The following ZFYVE9 variants were observed in gnomAD, a reference collection of about 807,000 sequenced individuals.
ZFYVE9 encodes the protein zinc finger FYVE domain-containing protein 9.
ZFYVE9 carries 43 observed loss-of-function variants against 126.7 expected under a neutral mutation model. That is an observed-to-expected ratio of 0.34 (90% CI 0.27 to 0.44). ZFYVE9 has a LOEUF of 0.44. Among genes scored for constraint, ZFYVE9 ranks in the 20% least tolerant of loss-of-function variants. The pLI is 1.00. For missense variants in ZFYVE9, 1,476 were observed against 1,697.0 expected (o/e 0.87, Z 2.29); for synonymous variants, 521 against 597.4 (o/e 0.87, Z 1.87).
At chr1:52,288,251 C>T (rs1428785690) in intron 10 of ZFYVE9, among the ~76,000 whole-genome samples, 4 of 152,128 alleles carry the variant, frequency 2.6e-5, no homozygotes, top group Non-Finnish European at 4.4e-5. Context: ...CTATGTTGTC[C>T]GTAAATCTCA....
chr1:52,278,994 C>T (rs573791191), intron 9 of ZFYVE9, among the ~76,000 whole-genome samples: 63 of 152,198 alleles, frequency 4.1e-4, no homozygotes, highest in African/African-American at 8.7e-4. Context: ...CCGCCTCAGC[C>T]TCCCTAAGTG....
chr1:52,247,477 A>G (rs1572132867), intron 4 of ZFYVE9, among the ~76,000 whole-genome samples: 3 of 151,898 alleles, frequency 2.0e-5, no homozygotes, highest in Admixed American at 2.0e-4. Context: ...TTGTTGTACA[A>G]CCATAACAAC....
At chr1:52,234,332 A>G (rs1645252972) in intron 3 of ZFYVE9, among the ~76,000 whole-genome samples, 1 of 152,182 alleles carries the variant, frequency 6.6e-6, no homozygotes, top group South Asian at 2.1e-4. Flanking sequence ...GCCTGGTGGC[A>G]CACCTGTGGT....
intron 2 of ZFYVE9, among the ~76,000 whole-genome samples, chr1:52,217,063 CT>C (rs1273887034): frequency 3.3e-5 from 5 of 152,202 alleles, no homozygotes; most frequent in African/African-American, 1.2e-4. Context: ...GAAACCCGCA[CT>C]TAGACAGAAA....
intron 3 of ZFYVE9, among the ~76,000 whole-genome samples, chr1:52,235,847 G>T (rs1645268597): frequency 6.6e-6 from 1 of 152,044 alleles, no homozygotes; most frequent in African/African-American, 2.4e-5. Context: ...TGTCTCCTCT[G>T]AATTTATTTT....
chr1:52,345,784 T>G (rs1312671266), intron 18 of ZFYVE9: 3 of 296,196 alleles, frequency 1.0e-5, no homozygotes, highest in African/African-American at 6.4e-5. Flanking sequence ...TTTCTGATAC[T>G]CCATACCTTT....
chr1:52,259,511 G>T (rs1569608792), intron 4 of ZFYVE9, among the ~76,000 whole-genome samples: 1 of 151,942 alleles, frequency 6.6e-6, no homozygotes. Context: ...AAGATAGCCA[G>T]CTGTGGTGGC....
chr1:52,162,124 G>T (rs555492180), intron 1 of ZFYVE9: 44 of 162,200 alleles, frequency 2.7e-4, no homozygotes, highest in Non-Finnish European at 4.6e-4. Context: ...AAAAAAAAAG[G>T]AGAGGAAAAA....
intron 1 of ZFYVE9, among the ~76,000 whole-genome samples, chr1:52,181,628 AG>A (rs1265501998): frequency 7.2e-6 from 1 of 139,732 alleles, no homozygotes; most frequent in Non-Finnish European, 1.5e-5. Context: ...CATCCCATCT[AG>A]GAAGTGAGGA....
At chr1:52,242,912 C>G (rs1466197770) in intron 4 of ZFYVE9, among the ~76,000 whole-genome samples, 1 of 152,168 alleles carries the variant, frequency 6.6e-6, no homozygotes, top group Non-Finnish European at 1.5e-5. Context: ...GAAATATTTT[C>G]CATTACACAC....
At chr1:52,176,433 G>A (rs1644629162) in intron 1 of ZFYVE9, among the ~76,000 whole-genome samples, 1 of 152,228 alleles carries the variant, frequency 6.6e-6, no homozygotes, top group South Asian at 2.1e-4. Context: ...AGTTAGGCTG[G>A]TCAAGGGTCA....
intron 1 of ZFYVE9, chr1:52,180,363 C>G (rs1644685959): frequency 6.5e-7 from 1 of 1,549,066 alleles, no homozygotes; most frequent in African/African-American, 1.4e-5. Flanking sequence ...TATCAAGGCT[C>G]AGTTTATTGG....
At chr1:52,194,310 A>G (rs1271020900) in intron 1 of ZFYVE9, among the ~76,000 whole-genome samples, 1 of 152,214 alleles carries the variant, frequency 6.6e-6, no homozygotes, top group Non-Finnish European at 1.5e-5. Context: ...TCTAAGCATG[A>G]TATGAAATAC....
At chr1:52,241,824 A>G (rs1645336517) in intron 4 of ZFYVE9, among the ~76,000 whole-genome samples, 1 of 152,142 alleles carries the variant, frequency 6.6e-6, no homozygotes, top group South Asian at 2.1e-4. Context: ...GCAGCTAGAA[A>G]AATACCCCAA....
chr1:52,261,760 A>G (rs1645582190), intron 4 of ZFYVE9, among the ~76,000 whole-genome samples: 1 of 152,232 alleles, frequency 6.6e-6, no homozygotes, highest in Middle Eastern at 3.2e-3. Context: ...AACAGCCTGA[A>G]CAGAGGCAGC....
chr1:52,186,248 A>AC (rs991552003), intron 1 of ZFYVE9, among the ~76,000 whole-genome samples: 9 of 150,252 alleles, frequency 6.0e-5, no homozygotes, highest in African/African-American at 1.9e-4. Flanking sequence ...TCAAAAAAAA[A>AC]AAAACAAAAC....
chr1:52,344,957 T>G lies in ZFYVE9; in HGVS notation c.4116+13T>G. ...TGACTCAGATCAGGTATGATGTGTC[T>G]TCCGCAGCTTTTAAAGCTGGCCTTG... On this transcript the variant is annotated intron_variant, in intron 18 of 18. Transcript: ENST00000287727. The G allele has an allele frequency of 6.2e-7, 1 of 1,611,400 alleles. No homozygotes were observed. The highest frequency in any genetic ancestry group is 1.3e-5 in the African/African-American group (1 of 74,996).
chr1:52,200,037 T>A (rs1274243307), intron 1 of ZFYVE9, among the ~76,000 whole-genome samples: 1 of 151,770 alleles, frequency 6.6e-6, no homozygotes, highest in African/African-American at 2.4e-5. Flanking sequence ...TTTTTTTTTT[T>A]TTATTATTGT....
At chr1:52,329,929 C>T (rs377655039) in intron 13 of ZFYVE9, among the ~76,000 whole-genome samples, 27 of 151,996 alleles carry the variant, frequency 1.8e-4, no homozygotes, top group African/African-American at 6.0e-4. Flanking sequence ...AAAATTCTTC[C>T]GTGTCAACAG....
Sources: gnomAD v4.1 joint callset for allele counts (sites outside exome capture counted in the v4.1 genomes callset) on GRCh38, gnomAD v4.1.1 for gene constraint, MANE v1.5 for transcripts, NCBI Gene and HGNC (gene_info 2026-07-23, HGNC 2026-07-21) for gene names.